IWS1: variants seen among roughly 807,000 people sequenced by gnomAD.
IWS1 encodes interacts with SUPT6H, CTD assembly factor 1, also known as protein IWS1 homolog.
IWS1 carries 27 observed loss-of-function variants against 86.7 expected under a neutral mutation model. That is an observed-to-expected ratio of 0.31 (90% CI 0.23 to 0.43). The LOEUF (loss-of-function observed/expected upper bound fraction) is 0.43. Among genes scored for constraint, IWS1 ranks in the 20% least tolerant of loss-of-function variants. IWS1 has a pLI of 1.00. For missense variants in IWS1, 827 were observed against 1,000.8 expected (o/e 0.83, Z 2.34); for synonymous variants, 313 against 335.1 (o/e 0.93, Z 0.72).
intron 7 of IWS1, among the ~76,000 whole-genome samples, chr2:127,495,670 C>T (rs1690475403): frequency 6.6e-6 from 1 of 152,170 alleles, no homozygotes; most frequent in African/African-American, 2.4e-5. Flanking sequence ...AAGAGAACGA[C>T]ACATGAATTT....
intron 8 of IWS1, among the ~76,000 whole-genome samples, chr2:127,493,616 T>C (rs1276015405): frequency 6.6e-6 from 1 of 152,120 alleles, no homozygotes; most frequent in Non-Finnish European, 1.5e-5. Flanking sequence ...TTGACAAAGA[T>C]GATTTGCTGA....
intron 13 of IWS1, among the ~76,000 whole-genome samples, chr2:127,484,215 G>A (rs2105018694): frequency 6.6e-6 from 1 of 152,336 alleles, no homozygotes; most frequent in East Asian, 1.9e-4. Flanking sequence ...AGGAGGCTGA[G>A]GCGGGAGAAT....
chr2:127,505,804 T>G lies in IWS1; in HGVS notation c.151-52A>C. Reference sequence around the variant, plus strand: ...GGAAAGTGCAAAAAAAAAAAAACCATTAATAATAAAACATTAAATTTTTTC... The same window carrying G: ...GGAAAGTGCAAAAAAAAAAAAACCAGTAATAATAAAACATTAAATTTTTTC... On this transcript the variant is annotated intron_variant, in intron 2 of 13. Coordinates refer to ENST00000295321, the MANE Select transcript of IWS1 (RefSeq NM_017969.3). The surrounding 1 kb of genome is among the most constrained non-coding windows in gnomAD (Gnocchi z 5.0). 8.9e-7 allele frequency: 1 copy of G among 1,122,978 alleles called. No individual in the cohort carries two copies. The highest frequency in any genetic ancestry group is 1.6e-5 in the South Asian group (1 of 62,060). 69.6% of individuals were successfully genotyped at this position (1,122,978 alleles called of 1,614,324 possible). A position where few individuals can be genotyped will look rare whatever the true frequency, so the allele number is the denominator to read the frequency against.
rs926905377 is a variant in IWS1 at position 127,500,899 on chromosome 2, T to C, written c.1467+1916A>G. Among the ~76,000 whole-genome samples, 11 of 152,324 alleles carry C rather than the reference T, an allele frequency of 7.2e-5. No individual in the cohort carries two copies. In the South Asian group the frequency reaches 1.2e-3, roughly 17 times the overall value. ...ATTTTAGTCTTGTTAGTGGTCACTT[T>C]AGAGACTACAACATGCACCCTAACT... On this transcript the variant is annotated intron_variant, in intron 5 of 13. Coordinates refer to ENST00000295321, the MANE Select transcript of IWS1 (RefSeq NM_017969.3).
chr2:127,483,523 T>C (rs1056047226), intron 13 of IWS1, among the ~76,000 whole-genome samples: 3 of 141,580 alleles, frequency 2.1e-5, no homozygotes, highest in African/African-American at 7.9e-5. Context: ...AAATGATAAA[T>C]CGACTAGGTG....
chr2:127,502,784 CAAG>C lies in IWS1; in HGVS notation c.1467+28_1467+30del, dbSNP rs752073534. ...TAAAAACACCAAAAAAAAGCACAAT[CAAG>C]GAGGAAATATTTCCATCTTATACTT... On this transcript the variant is annotated intron_variant, in intron 5 of 13. Coordinates refer to ENST00000295321, the MANE Select transcript of IWS1 (RefSeq NM_017969.3). 3.4e-5 allele frequency: 44 copies of C among 1,281,670 alleles called. No homozygotes were observed. In the African/African-American group the frequency reaches 4.4e-4, roughly 13 times the overall value. 79.4% of individuals were successfully genotyped at this position (1,281,670 alleles called of 1,614,324 possible).
At chr2:127,508,904 T>C (rs1464724275) in intron 2 of IWS1, among the ~76,000 whole-genome samples, 1 of 152,138 alleles carries the variant, frequency 6.6e-6, no homozygotes, top group Non-Finnish European at 1.5e-5. Context: ...CATCCAAAAC[T>C]CACCCGCTAC....
chr2:127,516,354 T>A (rs1691774156), intron 2 of IWS1, among the ~76,000 whole-genome samples: 1 of 151,522 alleles, frequency 6.6e-6, no homozygotes, highest in South Asian at 2.1e-4. Flanking sequence ...GCCCCCGCAA[T>A]ACACACACAC....
Position 127,505,831 on chromosome 2 carries a change from G to C in IWS1, c.151-79C>G. On this transcript the variant is annotated intron_variant, in intron 2 of 13. Transcript: ENST00000295321. The surrounding 1 kb of genome is among the most constrained non-coding windows in gnomAD (Gnocchi z 5.0). ...AATAATAAAACATTAAATTTTTTCTGTGATTTTTTTAAAATACAGGATTAT... is the reference window on the plus strand; with the variant it reads ...AATAATAAAACATTAAATTTTTTCTCTGATTTTTTTAAAATACAGGATTAT... The C allele has an allele frequency of 9.9e-7, 1 of 1,013,060 alleles. No individual in the cohort carries two copies. Among genetic ancestry groups the C allele is most frequent in the Non-Finnish European group, 1.4e-6 (1 of 712,650 alleles). The allele number at this position is 1,013,060 out of a possible 1,614,324, so 62.8% of individuals were successfully genotyped here. A position where few individuals can be genotyped will look rare whatever the true frequency, so the allele number is the denominator to read the frequency against.
At chr2:127,519,048 A>AT (rs905263387) in intron 2 of IWS1, among the ~76,000 whole-genome samples, 34 of 150,668 alleles carry the variant, frequency 2.3e-4, no homozygotes, top group Admixed American at 6.0e-4. Context: ...TATTTTGTTC[A>AT]TTTTTTTTTG....
intron 2 of IWS1, among the ~76,000 whole-genome samples, chr2:127,522,966 T>C (rs977339780): frequency 6.6e-5 from 10 of 152,188 alleles, no homozygotes; most frequent in Non-Finnish European, 1.5e-4. Context: ...TCCTAGCACT[T>C]TGAGAGGCTG....
chr2:127,526,314 C>G lies in IWS1; in HGVS notation c.-106G>C. 1 of 1,540,788 alleles carries G rather than the reference C, an allele frequency of 6.5e-7. No homozygotes were observed. The highest frequency in any genetic ancestry group is 8.7e-7 in the Non-Finnish European group (1 of 1,146,824). The stretch of plus-strand genomic sequence containing the variant: ...GCGCGGCTAAGTGTTCAGAGACTGC[C>G]GCCCGACCGGAGAACTTAACGGGTG... On this transcript the variant is annotated 5_prime_UTR_variant, in exon 1 of 14. Transcript: ENST00000295321.
intron 2 of IWS1, among the ~76,000 whole-genome samples, chr2:127,522,540 A>T (rs1042841858): frequency 6.6e-6 from 1 of 152,264 alleles, no homozygotes; most frequent in African/African-American, 2.4e-5. Flanking sequence ...AGTCTGACAC[A>T]TATTAGGTGC....
chr2:127,505,461 T>A lies in IWS1; in HGVS notation c.442A>T (p.Asn148Tyr). 6.2e-7 allele frequency: 1 copy of A among 1,614,154 alleles called. No homozygotes were observed. The highest frequency in any genetic ancestry group is 8.5e-7 in the Non-Finnish European group (1 of 1,180,016). Residue 148 changes from asparagine (N) to tyrosine (Y), a missense_variant, in exon 3 of 14, where the codon AAC (asparagine) becomes TAC (tyrosine). Around this residue, in one of 2 missense-constraint regions of IWS1, gnomAD observed 548 missense variants for 560.2 expected, o/e 0.98. Coordinates refer to ENST00000295321, the MANE Select transcript of IWS1 (RefSeq NM_017969.3). The surrounding 1 kb of genome is among the most constrained non-coding windows in gnomAD (Gnocchi z 5.0). ...GCGGGATGCTTCCCAACATCTTCGTTTTCTGAGTCACTTGCATGCCCATTA... is the reference window on the plus strand; with the variant it reads ...GCGGGATGCTTCCCAACATCTTCGTATTCTGAGTCACTTGCATGCCCATTA... Reference protein sequence around the residue: ...LLNGHASDSENEDVGKHPASD... With the variant: ...LLNGHASDSEYEDVGKHPASD...
chr2:127,521,326 C>A (rs1573571074), intron 2 of IWS1, among the ~76,000 whole-genome samples: 1 of 152,184 alleles, frequency 6.6e-6, no homozygotes, highest in South Asian at 2.1e-4. Context: ...ACGTCATATA[C>A]CTGGGACAGA....
chr2:127,507,797 C>A (rs556687949), intron 2 of IWS1, among the ~76,000 whole-genome samples: 1 of 152,292 alleles, frequency 6.6e-6, no homozygotes, highest in African/African-American at 2.4e-5. Flanking sequence ...AAAATTCAGA[C>A]AACTCCAAAA....
intron 2 of IWS1, among the ~76,000 whole-genome samples, chr2:127,522,252 A>G (rs2104746196): frequency 6.6e-6 from 1 of 152,268 alleles, no homozygotes; most frequent in Non-Finnish European, 1.5e-5. Flanking sequence ...AAACGTCCAT[A>G]TCCACACGGC....
rs543209227 is a variant in IWS1, at chr2:127,521,777, C to T, written c.150+1899G>A. Among the ~76,000 whole-genome samples the T allele has an allele frequency of 5.5e-4, 83 of 152,282 alleles. 1 individual carries two copies. In the South Asian group the frequency reaches 0.016, roughly 29 times the overall value. On this transcript the variant is annotated intron_variant, in intron 2 of 13. Coordinates refer to ENST00000295321, the MANE Select transcript of IWS1 (RefSeq NM_017969.3). ...GTCAAATTATAGTTTAAGTCTGGGA[C>T]AGTCTGTGATTTCCAAATTTTCAAA...
intron 6 of IWS1, among the ~76,000 whole-genome samples, chr2:127,497,549 G>A (rs1690579650): frequency 6.6e-6 from 1 of 152,180 alleles, no homozygotes; most frequent in Admixed American, 6.5e-5. Context: ...AGGGAGTTAA[G>A]TTATTGTCTG....
Sources: allele counts gnomAD v4.1 joint callset (sites outside exome capture counted in the v4.1 genomes callset), GRCh38; gene constraint gnomAD v4.1.1; regional missense constraint gnomAD v4.1.1; non-coding constraint Gnocchi (gnomAD v3.1); transcripts MANE v1.5; gene names NCBI Gene and HGNC (gene_info 2026-07-23, HGNC 2026-07-21).